CNTNAP5: variants seen among roughly 807,000 people sequenced by gnomAD.
CNTNAP5 encodes the protein contactin associated protein family member 5, also known as contactin-associated protein-like 5.
Under a neutral mutation model 150.2 loss-of-function variants are expected in CNTNAP5, and 72 were observed. The observed-to-expected ratio is 0.48, with a 90% CI of 0.40 to 0.58. CNTNAP5 has a LOEUF of 0.58. Among genes scored for constraint, CNTNAP5 ranks in the 20% least tolerant of loss-of-function variants. The pLI is 0.00. For missense variants in CNTNAP5, 1,636 were observed against 1,626.2 expected (o/e 1.01, Z -0.10); for synonymous variants, 672 against 619.8 (o/e 1.08, Z -1.25).
At chr2:124,333,901 C>T (rs1689409274) in intron 3 of CNTNAP5, among the ~76,000 whole-genome samples, 1 of 152,176 alleles carries the variant, frequency 6.6e-6, no homozygotes, top group East Asian at 1.9e-4. Flanking sequence ...ATGACCAGTA[C>T]TGTAATTGCT....
Position 124,702,346 on chromosome 2 carries a change from C to CTTTTTTT in CNTNAP5, c.2078-44839_2078-44833dup, listed in dbSNP as rs71412792. On this transcript the variant is annotated intron_variant, in intron 13 of 23. Transcript: ENST00000682447. ...ATGTCCTTCTGTGAAACTATGAACA[C>CTTTTTTT]TTTTTTTTTTTTTTTTTTTTTTTTT... Among the ~76,000 whole-genome samples the CTTTTTTT allele has an allele frequency of 5.4e-4, 28 of 52,248 alleles. 6 individuals carry two copies. The highest frequency in any genetic ancestry group is 6.7e-4 in the African/African-American group (9 of 13,394). The allele number at this position is 52,248 out of a possible 152,430, so 34.3% of individuals were successfully genotyped here. A position where few individuals can be genotyped will look rare whatever the true frequency, so the allele number is the denominator to read the frequency against.
Position 124,549,452 on chromosome 2 carries a change from A to G in CNTNAP5, c.1650-13765A>G, listed in dbSNP as rs149921164. ...TTAGTTCTATCCATAACAAATAAATACAATATTTGAAGATTAAATTAGATA... is the reference window on the plus strand; with the variant it reads ...TTAGTTCTATCCATAACAAATAAATGCAATATTTGAAGATTAAATTAGATA... On this transcript the variant is annotated intron_variant, in intron 10 of 23. Transcript: ENST00000682447. 8.5e-3 allele frequency among the ~76,000 whole-genome samples: 1,288 copies of G among 152,348 alleles called. 3 individuals are homozygous for G. Among genetic ancestry groups the G allele is most frequent in the Non-Finnish European group, 0.014 (943 of 68,032 alleles).
intron 3 of CNTNAP5, among the ~76,000 whole-genome samples, chr2:124,379,688 G>T (rs548046316): frequency 6.6e-6 from 1 of 152,078 alleles, no homozygotes; most frequent in Non-Finnish European, 1.5e-5. Flanking sequence ...ATTAACTTGG[G>T]CATGGCCTCC....
At position 124,282,620 on chromosome 2, in the gene CNTNAP5, C is replaced by CTT. The variant is rs776391686; in HGVS notation, c.381+40239_381+40240dup. Among the ~76,000 whole-genome samples, 431 of 144,200 alleles carry CTT rather than the reference C, an allele frequency of 3.0e-3. 4 individuals carry two copies. Among genetic ancestry groups the CTT allele is most frequent in the Non-Finnish European group, 1.9e-3 (125 of 65,602 alleles). 94.6% of individuals were successfully genotyped at this position (144,200 alleles called of 152,430 possible). A position where few individuals can be genotyped will look rare whatever the true frequency, so the allele number is the denominator to read the frequency against. ...ACTGTAAACTTCTTCAGGTGAAGGA[C>CTT]TTTTTTTTTTTTTGCATGAATGTTT... is the stretch of plus-strand genomic sequence containing the variant. On this transcript the variant is annotated intron_variant, in intron 3 of 23. Coordinates refer to ENST00000682447, the MANE Select transcript of CNTNAP5 (RefSeq NM_001367498.1).
At position 124,916,036 on chromosome 2, in the gene CNTNAP5, C is replaced by A. The variant is rs1351077805; in HGVS notation, c.*1748C>A. 6.6e-6 allele frequency among the ~76,000 whole-genome samples: 1 copy of A among 152,102 alleles called. No homozygotes were observed. Among genetic ancestry groups the A allele is most frequent in the East Asian group, 1.9e-4 (1 of 5,168 alleles). ...AGGGTACACTGTCTCTCGCCTCTCA[C>A]AATGAGGAACTTAGTTGCTTCATTC... On this transcript the variant is annotated 3_prime_UTR_variant, in exon 24 of 24. Transcript: ENST00000682447.
chr2:124,557,113 G>T (rs1049038831), intron 10 of CNTNAP5, among the ~76,000 whole-genome samples: 1 of 151,822 alleles, frequency 6.6e-6, no homozygotes, highest in East Asian at 1.9e-4. Context: ...CAATAAAGTT[G>T]TTAGGGCCCA....
At chr2:124,415,419 C>T (rs374034580) in intron 3 of CNTNAP5, among the ~76,000 whole-genome samples, 51 of 152,144 alleles carry the variant, frequency 3.4e-4, no homozygotes, top group African/African-American at 1.1e-3. Flanking sequence ...GTGTTTTGTG[C>T]GTAGTAGAAA....
At chr2:124,639,444 G>A (rs535339147) in intron 12 of CNTNAP5, among the ~76,000 whole-genome samples, 18 of 152,228 alleles carry the variant, frequency 1.2e-4, no homozygotes, top group South Asian at 8.3e-4. Context: ...GTAAGTAGAT[G>A]CTCTCACCCT....
intron 13 of CNTNAP5, among the ~76,000 whole-genome samples, chr2:124,689,962 G>A (rs536399030): frequency 6.6e-6 from 1 of 151,622 alleles, no homozygotes; most frequent in East Asian, 2.0e-4. Flanking sequence ...GCCAAAAGGG[G>A]AAGTTCTGTT....
chr2:124,426,831 C>T (rs2104787340), intron 4 of CNTNAP5, among the ~76,000 whole-genome samples: 1 of 152,222 alleles, frequency 6.6e-6, no homozygotes, highest in East Asian at 1.9e-4. Context: ...AATTATGGGC[C>T]CAGTGGGAAG....
rs373136548 is a variant in CNTNAP5, at chr2:124,127,838, G to T, written c.83-93867G>T. ...GATTCCCTATTTAATAAATGTTGCT[G>T]GGAAAACTGGCTAGCCATATGTAGA... On this transcript the variant is annotated intron_variant, in intron 1 of 23. Transcript: ENST00000682447. Among the ~76,000 whole-genome samples, 14 of 152,262 alleles carry T rather than the reference G, an allele frequency of 9.2e-5. No individual in the cohort carries two copies. The East Asian group carries it at 2.5e-3, about 27-fold the overall frequency.
At chr2:124,655,411 T>C (rs1678422309) in intron 13 of CNTNAP5, among the ~76,000 whole-genome samples, 2 of 152,126 alleles carry the variant, frequency 1.3e-5, no homozygotes, top group African/African-American at 4.8e-5. Flanking sequence ...ACATTTAGGT[T>C]GGTCCCAAGT....
intron 7 of CNTNAP5, among the ~76,000 whole-genome samples, chr2:124,478,361 G>A (rs1232727744): frequency 6.6e-6 from 1 of 152,050 alleles, no homozygotes; most frequent in Non-Finnish European, 1.5e-5. Flanking sequence ...TAGCACTAAC[G>A]TATTTGGAAA....
intron 1 of CNTNAP5, among the ~76,000 whole-genome samples, chr2:124,139,483 G>A (rs1239700940): frequency 2.0e-5 from 3 of 152,106 alleles, no homozygotes; most frequent in Admixed American, 6.5e-5. Context: ...TCTTGGTGTA[G>A]ACTTCTCCCA....
At chr2:124,231,303 T>C (rs927344810) in intron 2 of CNTNAP5, among the ~76,000 whole-genome samples, 11 of 152,190 alleles carry the variant, frequency 7.2e-5, no homozygotes, top group African/African-American at 2.7e-4. Flanking sequence ...TGAAAACTTT[T>C]GTTCTTCATT....
At chr2:124,805,804 G>GCCA (rs1644153564) in intron 19 of CNTNAP5, among the ~76,000 whole-genome samples, 1 of 152,156 alleles carries the variant, frequency 6.6e-6, no homozygotes, top group African/African-American at 2.4e-5. Context: ...CTTTGTGTTG[G>GCCA]CCACCTTTCC....
intron 3 of CNTNAP5, among the ~76,000 whole-genome samples, chr2:124,344,470 A>G (rs1689692239): frequency 6.6e-6 from 1 of 152,166 alleles, no homozygotes; most frequent in Non-Finnish European, 1.5e-5. Flanking sequence ...GATAGGCCCC[A>G]TGTAAGTCCA....
chr2:124,598,972 A>G (rs10186071), intron 11 of CNTNAP5, among the ~76,000 whole-genome samples: 61,687 of 148,324 alleles, frequency 0.42, 12,507 homozygotes, highest in East Asian at 0.76. Context: ...TGCGCTTCCC[A>G]GGTGAGGCAA....
rs543040949 is a variant in CNTNAP5, at chr2:124,671,244, C to T, written c.2077+23286C>T. On this transcript the variant is annotated intron_variant, in intron 13 of 23. Coordinates refer to ENST00000682447, the MANE Select transcript of CNTNAP5 (RefSeq NM_001367498.1). ...TAAGCTAAGCATAGGCATAGAAGCA[C>T]GTATCTGGGATTTCCCAAGACAATC... is the stretch of plus-strand genomic sequence containing the variant. Among the ~76,000 whole-genome samples the T allele has an allele frequency of 3.9e-5, 6 of 152,290 alleles. No individual in the cohort carries two copies. The South Asian group carries it at 1.0e-3, about 26-fold the overall frequency.
Sources: allele counts gnomAD v4.1 joint callset (sites outside exome capture counted in the v4.1 genomes callset), GRCh38; gene constraint gnomAD v4.1.1; transcripts MANE v1.5; gene names NCBI Gene and HGNC (gene_info 2026-07-23, HGNC 2026-07-21).